The following CAPN8 variants were observed in gnomAD, a reference collection of about 807,000 sequenced individuals.
The protein encoded by CAPN8 is calpain 8.
A neutral mutation model predicts 80.9 loss-of-function variants in CAPN8; 87 were observed. The ratio of observed to expected loss-of-function variants is 1.07; its 90% CI spans 0.90 to 1.28. The LOEUF is 1.28. Ranked by LOEUF, CAPN8 falls within the 50% of genes most tolerant of loss-of-function variation. CAPN8 has a pLI of 0.00. For synonymous variants in CAPN8, 299 were observed against 273.8 expected (o/e 1.09, Z -0.91); for missense variants, 757 against 702.0 (o/e 1.08, Z -0.89).
chr1:223,549,048 T>A (rs1420517064), intron 16 of CAPN8, among the ~76,000 whole-genome samples: 2 of 152,030 alleles, frequency 1.3e-5, no homozygotes, highest in African/African-American at 4.8e-5. Context: ...ACCTCCAGAT[T>A]ACATGATTTT....
chr1:223,622,341 G>A (rs1417194098), intron 7 of CAPN8, among the ~76,000 whole-genome samples: 7 of 152,168 alleles, frequency 4.6e-5, no homozygotes, highest in Middle Eastern at 3.2e-3. Context: ...GGGTAGGAGC[G>A]AGTGCCGCTG....
Position 223,630,206 on chromosome 1 carries a change from G to C in CAPN8, c.308-1426C>G, listed in dbSNP as rs76603385. Among the ~76,000 whole-genome samples, 831 of 151,876 alleles carry C rather than the reference G, an allele frequency of 5.5e-3. 11 individuals are homozygous for C. The highest frequency in any genetic ancestry group is 0.029 in the East Asian group (152 of 5,160). Reference sequence around the variant, plus strand: ...GTCTGCCTGGATCTTTCCCAACAAAGTCATTCATGATCTGACCCCAAATTA... The same window carrying C: ...GTCTGCCTGGATCTTTCCCAACAAACTCATTCATGATCTGACCCCAAATTA... On this transcript the variant is annotated intron_variant, in intron 2 of 20. Coordinates refer to ENST00000366872, the MANE Select transcript of CAPN8 (RefSeq NM_001143962.2).
intron 2 of CAPN8, chr1:223,644,104 C>G (rs1303792684): frequency 1.0e-5 from 3 of 297,168 alleles, no homozygotes; most frequent in African/African-American, 6.7e-5. Flanking sequence ...CTTCATTGAT[C>G]ATTTCTAGTT....
At chr1:223,623,046 G>C (rs914199742) in intron 6 of CAPN8, 146 bp from the exon 7 acceptor site, 2 of 629,462 alleles carry the variant, frequency 3.2e-6, no homozygotes, top group Admixed American at 6.4e-5. Flanking sequence ...CATCTTTTCA[G>C]GCTTGGGCCA....
intron 2 of CAPN8, among the ~76,000 whole-genome samples, chr1:223,632,390 T>G (rs1418112650): frequency 6.6e-6 from 1 of 152,226 alleles, no homozygotes; most frequent in Non-Finnish European, 1.5e-5. Context: ...TTTGTTTTGT[T>G]TTGAGACAAG....
rs575250053 is a variant in CAPN8, at chr1:223,617,055, G to T, written c.1136-910C>A. The T allele has an allele frequency of 7.2e-5, 11 of 152,338 alleles. No homozygotes were observed. The South Asian group carries it at 2.3e-3, about 32-fold the overall frequency. The allele number at this position is 152,338 out of a possible 1,614,324, so 9.4% of individuals were successfully genotyped here. A position where few individuals can be genotyped will look rare whatever the true frequency, so the allele number is the denominator to read the frequency against. Reference sequence around the variant, plus strand: ...AAATTGCAGAAGGCACGCCTGACAGGTGTCTCCACTCTAGGGCCTCAACAA... The same window carrying T: ...AAATTGCAGAAGGCACGCCTGACAGTTGTCTCCACTCTAGGGCCTCAACAA... On this transcript the variant is annotated intron_variant, in intron 9 of 20. Transcript: ENST00000366872.
chr1:223,654,199 C>T (rs1376407621), intron 2 of CAPN8, 131 bp downstream of exon 2: 2 of 751,414 alleles, frequency 2.7e-6, no homozygotes, highest in Non-Finnish European at 2.2e-6. Context: ...GTCTCAGAAA[C>T]ACAAACCCAG....
At chr1:223,626,336 C>G (rs1246010981) in intron 5 of CAPN8, among the ~76,000 whole-genome samples, 1 of 152,112 alleles carries the variant, frequency 6.6e-6, no homozygotes, top group Non-Finnish European at 1.5e-5. Flanking sequence ...AACCACATCT[C>G]CTGCTGGGGT....
At chr1:223,664,038 G>C (rs1375544458) in intron 1 of CAPN8, among the ~76,000 whole-genome samples, 1 of 152,214 alleles carries the variant, frequency 6.6e-6, no homozygotes, top group East Asian at 1.9e-4. Flanking sequence ...AGAGCACTTT[G>C]TATGGATGAG....
At chr1:223,654,433 A>G (rs932657907) in intron 1 of CAPN8, 34 bp from the exon 2 acceptor site, 3 of 1,542,740 alleles carry the variant, frequency 1.9e-6, no homozygotes, top group African/African-American at 2.7e-5. Context: ...ACAAGTCACA[A>G]GGTGCTCAGT....
At chr1:223,546,885 G>GGTGGTT (rs973883560) in intron 16 of CAPN8, among the ~76,000 whole-genome samples, 3,026 of 149,938 alleles carry the variant, frequency 0.02, 47 homozygotes, top group East Asian at 0.056. Context: ...TTTGTTTTGT[G>GGTGGTT]GTTGTTGTTG....
chr1:223,654,969 A>G (rs1375392376), intron 1 of CAPN8, among the ~76,000 whole-genome samples: 2 of 151,548 alleles, frequency 1.3e-5, no homozygotes, highest in Admixed American at 6.6e-5. Context: ...GATTACAGGC[A>G]TGAGCCACAG....
chr1:223,654,572 C>G (rs1469897118), intron 1 of CAPN8, among the ~76,000 whole-genome samples, 173 bp from the exon 2 acceptor site: 1 of 152,158 alleles, frequency 6.6e-6, no homozygotes, highest in Non-Finnish European at 1.5e-5. Context: ...GGGGATGAGC[C>G]CTGGTCACAG....
intron 15 of CAPN8, among the ~76,000 whole-genome samples, chr1:223,550,482 G>A (rs1336623576): frequency 3.9e-5 from 6 of 152,160 alleles, no homozygotes; most frequent in African/African-American, 1.2e-4. Context: ...TGACAGCTCT[G>A]AGGCTTGCAA....
rs1312729394 is a variant in CAPN8, at chr1:223,619,427, T to G, written c.1001A>C (p.Gln334Pro). The change falls in exon 9 of 21, where the codon CAG (glutamine) becomes CCG (proline). Residue 334 changes from glutamine to proline, a missense_variant. Transcript: ENST00000366872. Reference sequence around the variant, plus strand: ...GTTGCAGATCTCCAACCGAGAGAACTGCCTCACGAAATCTGAAAGTGACAT... The same window carrying G: ...GTTGCAGATCTCCAACCGAGAGAACGGCCTCACGAAATCTGAAAGTGACAT... ...FWMSLSDFVRQFSRLEICNLS... is the reference protein window; with the variant it reads ...FWMSLSDFVRPFSRLEICNLS... 3.2e-6 allele frequency: 5 copies of G among 1,551,460 alleles called. No individual in the cohort carries two copies. Among genetic ancestry groups the G allele is most frequent in the Non-Finnish European group, 4.4e-6 (5 of 1,146,970 alleles).
intron 15 of CAPN8, among the ~76,000 whole-genome samples, chr1:223,550,599 G>T (rs1368948112): frequency 3.9e-5 from 6 of 152,128 alleles, no homozygotes; most frequent in Admixed American, 3.9e-4. Context: ...ATCTGCAGAG[G>T]TTTCCACAGT....
chr1:223,621,381 C>A (rs1203000144), intron 7 of CAPN8, among the ~76,000 whole-genome samples: 1 of 151,920 alleles, frequency 6.6e-6, no homozygotes, highest in African/African-American at 2.4e-5. Flanking sequence ...GCTGGTAGGG[C>A]CTCCAGGACT....
At position 223,665,542 on chromosome 1, in the gene CAPN8, C is replaced by G. The variant is rs529391155; in HGVS notation, c.105G>C (p.Leu35=). ...CCCCTGAGTCCAAGCACTGTTGCCT[C>G]AGGGTCTTGAAATCCTGGCCCAAGT... ...LKYLGQDFKT[L]RQQCLDSGVL... Residue 35 remains leucine, a synonymous_variant, in exon 1 of 21, where the codon CTG becomes CTC. Transcript: ENST00000366872. 37 of 1,551,722 alleles carry G rather than the reference C, an allele frequency of 2.4e-5. 3 individuals carry two copies. The highest frequency in any genetic ancestry group is 1.9e-4 in the African/African-American group (14 of 73,164).
At position 223,619,325 on chromosome 1, in the gene CAPN8, C is replaced by T. The variant is rs1657304422; in HGVS notation, c.1103G>A (p.Gly368Asp). 5 of 1,551,608 alleles carry T rather than the reference C, an allele frequency of 3.2e-6. No homozygotes were observed. The highest frequency in any genetic ancestry group is 1.4e-5 in the African/African-American group (1 of 73,052). ...GTTCTGGCAGCCCCCAGCTGTGGAG[C>T]CCCGGGTCCAGTGGCCGTTGAACAG... ...LVLFNGHWTR[G>D]STAGGCQNYP... is the part of the protein sequence containing the mutation. Residue 368 changes from glycine to aspartate, a missense_variant, in exon 9 of 21, where the codon GGC (glycine) becomes GAC (aspartate). Coordinates refer to ENST00000366872, the MANE Select transcript of CAPN8 (RefSeq NM_001143962.2).
Sources: allele counts gnomAD v4.1 joint callset (sites outside exome capture counted in the v4.1 genomes callset), GRCh38; gene constraint gnomAD v4.1.1; transcripts MANE v1.5; gene names NCBI Gene and HGNC (gene_info 2026-07-23, HGNC 2026-07-21).